Variants in NRG1 observed in about 807,000 individuals in gnomAD.
NRG1 encodes the protein pro-neuregulin-1, membrane-bound isoform.
A neutral mutation model predicts 63.8 loss-of-function variants in NRG1; 18 were observed. The ratio of observed to expected loss-of-function variants is 0.28; its 90% CI spans 0.19 to 0.42. The LOEUF is 0.42. Ranked by LOEUF, NRG1 falls within the 10% of genes least tolerant of loss-of-function variation. The pLI, the probability that NRG1 is intolerant of heterozygous loss-of-function variation, is 1.00. For synonymous variants in NRG1, 302 were observed against 301.3 expected (o/e 1.00, Z -0.02); for missense variants, 762 against 814.7 (o/e 0.94, Z 0.79).
intron 1 of NRG1, among the ~76,000 whole-genome samples, chr8:32,587,610 C>A (rs1841844941): frequency 6.6e-6 from 1 of 152,132 alleles, no homozygotes; most frequent in Admixed American, 6.6e-5. Flanking sequence ...CCTCTGGAAT[C>A]ATTTTGTACC....
At chr8:31,992,701 T>C (rs563829123) in intron 1 of NRG1, among the ~76,000 whole-genome samples, 1 of 152,062 alleles carries the variant, frequency 6.6e-6, no homozygotes, top group African/African-American at 2.4e-5. Context: ...CCTATTCTTT[T>C]ACTGATTTTA....
At chr8:32,608,096 T>G (rs1392072103) in intron 3 of NRG1, among the ~76,000 whole-genome samples, 16 of 118,332 alleles carry the variant, frequency 1.4e-4, no homozygotes, top group African/African-American at 5.4e-4. Flanking sequence ...TTTTTTGTTT[T>G]TTTTTTTTTT....
chr8:31,701,097 G>T (rs918487507), intron 1 of NRG1, among the ~76,000 whole-genome samples: 6 of 152,068 alleles, frequency 3.9e-5, no homozygotes, highest in Admixed American at 3.9e-4. Flanking sequence ...ATTGCCAAAG[G>T]CTTGATATAT....
chr8:31,720,153 A>G (rs1202347973), intron 1 of NRG1, among the ~76,000 whole-genome samples: 2 of 152,170 alleles, frequency 1.3e-5, no homozygotes, highest in African/African-American at 2.4e-5. Context: ...ATGAAAATGT[A>G]TTTTAATGAT....
At chr8:31,678,159 A>G (rs934169909) in intron 1 of NRG1, among the ~76,000 whole-genome samples, 6 of 152,010 alleles carry the variant, frequency 3.9e-5, no homozygotes, top group Admixed American at 3.3e-4. Context: ...TCTGACTTAC[A>G]AGCTCACAGG....
intron 1 of NRG1, among the ~76,000 whole-genome samples, chr8:32,344,570 G>A (rs1804613819): frequency 6.8e-6 from 1 of 146,914 alleles, no homozygotes; most frequent in Non-Finnish European, 1.5e-5. Context: ...CCAAGTAGCT[G>A]GAATTACAGG....
At chr8:32,292,539 C>A (rs553874560) in intron 1 of NRG1, among the ~76,000 whole-genome samples, 1 of 152,310 alleles carries the variant, frequency 6.6e-6, no homozygotes, top group Non-Finnish European at 1.5e-5. Flanking sequence ...TCCTCCCATA[C>A]CCACTCCTCC....
At chr8:32,058,450 G>T (rs1026273447) in intron 1 of NRG1, among the ~76,000 whole-genome samples, 13 of 151,984 alleles carry the variant, frequency 8.6e-5, no homozygotes, top group Non-Finnish European at 1.3e-4. Context: ...TCTTATCAAG[G>T]TATCACATGT....
intron 11 of NRG1, among the ~76,000 whole-genome samples, chr8:32,761,259 G>A (rs1218681683): frequency 1.3e-5 from 2 of 152,200 alleles, no homozygotes; most frequent in Admixed American, 1.3e-4. Flanking sequence ...CTATTTGTTT[G>A]CAAGTCTGCT....
exon 12 of NRG1, chr8:32,764,136 A>T: frequency 1.2e-6 from 2 of 1,614,130 alleles, no homozygotes; most frequent in Non-Finnish European, 1.7e-6. Context: ...AACCAAGCCC[A>T]ATGGCCACAT....
At position 31,640,014 on chromosome 8, in the gene NRG1, C is replaced by G; in HGVS notation, c.37+583C>G. 8.8e-7 allele frequency: 1 copy of G among 1,130,726 alleles called. No individual in the cohort carries two copies. The highest frequency in any genetic ancestry group is 4.2e-5 in the South Asian group (1 of 23,568). 70.0% of individuals were successfully genotyped at this position (1,130,726 alleles called of 1,614,324 possible). ...GATGGCGACGCGCCCCGCGCCGCTC[C>G]GGGCGTCCCGGCCCCCGGGCCCAGC... On this transcript the variant is annotated intron_variant, in intron 1 of 10. Transcript: ENST00000519301. The surrounding 1 kb of genome is among the most constrained non-coding windows in gnomAD (Gnocchi z 6.3).
intron 1 of NRG1, among the ~76,000 whole-genome samples, chr8:31,732,557 T>C (rs921562811): frequency 4.6e-5 from 7 of 152,152 alleles, no homozygotes; most frequent in African/African-American, 1.7e-4. Context: ...ATAGATTGTG[T>C]AGCATTAAAG....
intron 1 of NRG1, among the ~76,000 whole-genome samples, chr8:32,282,191 T>C (rs1466928369): frequency 6.6e-6 from 1 of 152,212 alleles, no homozygotes; most frequent in African/African-American, 2.4e-5. Context: ...GTGGTGCATT[T>C]GTGCCTTTGG....
intron 1 of NRG1, among the ~76,000 whole-genome samples, chr8:32,364,536 T>G (rs897547240): frequency 1.3e-5 from 2 of 152,196 alleles, no homozygotes; most frequent in Non-Finnish European, 2.9e-5. Flanking sequence ...GCATAGTATT[T>G]CTATATTTTA....
chr8:32,191,533 G>A (rs181895211), intron 1 of NRG1, among the ~76,000 whole-genome samples: 54 of 152,328 alleles, frequency 3.5e-4, no homozygotes, highest in Admixed American at 3.5e-3. Flanking sequence ...ATAGGCATAT[G>A]TAATGTTAAG....
intron 1 of NRG1, among the ~76,000 whole-genome samples, chr8:32,245,028 T>G (rs1467803488): frequency 6.6e-6 from 1 of 152,156 alleles, no homozygotes; most frequent in Non-Finnish European, 1.5e-5. Context: ...TGATGTTCAG[T>G]CTCGGTTAGC....
intron 1 of NRG1, among the ~76,000 whole-genome samples, chr8:32,046,710 T>C (rs552262493): frequency 4.4e-4 from 67 of 152,094 alleles, no homozygotes; most frequent in African/African-American, 1.5e-3. Flanking sequence ...CCATATCATA[T>C]AGAATTTCAA....
chr8:32,738,265 A>G (rs1825577415), intron 6 of NRG1, among the ~76,000 whole-genome samples: 1 of 152,094 alleles, frequency 6.6e-6, no homozygotes, highest in South Asian at 2.1e-4. Context: ...GGTGGAGGAC[A>G]GGGAAAGAGT....
intron 1 of NRG1, among the ~76,000 whole-genome samples, chr8:32,498,255 A>G (rs1383622425): frequency 6.6e-6 from 1 of 152,198 alleles, no homozygotes; most frequent in African/African-American, 2.4e-5. Flanking sequence ...ATGAGTGGCG[A>G]ATTGTGGAGA....
Sources: allele counts gnomAD v4.1 joint callset (sites outside exome capture counted in the v4.1 genomes callset), GRCh38; gene constraint gnomAD v4.1.1; non-coding constraint Gnocchi (gnomAD v3.1); transcripts MANE v1.5; gene names NCBI Gene and HGNC (gene_info 2026-07-23, HGNC 2026-07-21).